The following SOX6 variants were observed in gnomAD, a reference collection of about 807,000 sequenced individuals.
SOX6 encodes transcription factor SOX-6.
Under a neutral mutation model 97.8 loss-of-function variants are expected in SOX6, and 11 were observed. The ratio of observed to expected loss-of-function variants is 0.11; its 90% confidence interval spans 0.07 to 0.19. The LOEUF (loss-of-function observed/expected upper bound fraction) is 0.19. SOX6 is among the 10% of genes least tolerant of loss of function. The pLI, the probability that SOX6 is intolerant of heterozygous loss-of-function variation, is 1.00. For synonymous variants in SOX6, 360 were observed against 371.4 expected (o/e 0.97, Z 0.35); for missense variants, 810 against 1,039.5 (o/e 0.78, Z 3.04).
intron 4 of SOX6, among the ~76,000 whole-genome samples, chr11:16,193,363 T>A (rs1851682122): frequency 6.6e-6 from 1 of 151,530 alleles, no homozygotes; most frequent in Non-Finnish European, 1.5e-5. Flanking sequence ...CAGGGTGAGA[T>A]CCTGTCTTTA....
intron 7 of SOX6, among the ~76,000 whole-genome samples, chr11:16,110,091 C>A (rs1006589969): frequency 3.9e-5 from 6 of 152,152 alleles, no homozygotes; most frequent in Non-Finnish European, 7.4e-5. Flanking sequence ...AAAACAATAT[C>A]TTCCCCCATG....
chr11:16,189,876 A>G (rs560442975), intron 4 of SOX6, among the ~76,000 whole-genome samples: 6 of 152,158 alleles, frequency 3.9e-5, no homozygotes, highest in Non-Finnish European at 8.8e-5. Flanking sequence ...GAGCTTACAC[A>G]GGAAATTTTG....
chr11:16,379,320 A>G (rs297336), intron 1 of SOX6, among the ~76,000 whole-genome samples: 151,222 of 152,060 alleles, frequency 0.99, 75,201 homozygotes, highest in Middle Eastern at 1. Context: ...GACAAAATCC[A>G]CCGGGCATGG....
intron 1 of SOX6, among the ~76,000 whole-genome samples, chr11:16,403,242 C>A (rs1858605936): frequency 6.6e-6 from 1 of 151,512 alleles, no homozygotes; most frequent in Non-Finnish European, 1.5e-5. Flanking sequence ...ATAATGAGAC[C>A]ATTATTAGAG....
At chr11:16,447,421 T>A (rs1270560318) in intron 1 of SOX6, among the ~76,000 whole-genome samples, 1 of 148,214 alleles carries the variant, frequency 6.7e-6, no homozygotes, top group African/African-American at 2.5e-5. Context: ...AGTGAGAAAA[T>A]TATTTCTCTC....
At chr11:16,601,013 C>T (rs1225339864) in intron 4 of SOX6, among the ~76,000 whole-genome samples, 19 of 151,206 alleles carry the variant, frequency 1.3e-4, no homozygotes, top group Admixed American at 1.2e-3. Context: ...AGGATGAATA[C>T]ATAAACTGTT....
chr11:16,642,141 T>G (rs1045357310), intron 3 of SOX6, among the ~76,000 whole-genome samples: 2 of 152,126 alleles, frequency 1.3e-5, no homozygotes, highest in African/African-American at 4.8e-5. Flanking sequence ...GTCTGTAAAG[T>G]ATTTTATTTC....
chr11:16,322,992 G>T (rs1855971523), intron 2 of SOX6, among the ~76,000 whole-genome samples: 1 of 152,096 alleles, frequency 6.6e-6, no homozygotes, highest in Admixed American at 6.6e-5. Flanking sequence ...AGAAGAACAT[G>T]TGGGCACTGA....
intron 1 of SOX6, among the ~76,000 whole-genome samples, chr11:16,396,093 C>T (rs981090977): frequency 1.6e-4 from 25 of 151,716 alleles, no homozygotes; most frequent in African/African-American, 6.0e-4. Context: ...CCTTTATTCG[C>T]TAGACTTTTA....
At chr11:16,432,792 A>G (rs1430803300) in intron 1 of SOX6, among the ~76,000 whole-genome samples, 10 of 152,108 alleles carry the variant, frequency 6.6e-5, no homozygotes, top group Non-Finnish European at 1.5e-4. Context: ...CTCACATCAT[A>G]GAAGGAGAAA....
chr11:16,726,179 C>G (rs184749826), intron 2 of SOX6, among the ~76,000 whole-genome samples: 5 of 146,176 alleles, frequency 3.4e-5, no homozygotes, highest in Non-Finnish European at 7.7e-5. Flanking sequence ...GAGGCCAAGG[C>G]GGGAGGATTA....
chr11:16,611,180 T>C (rs1848393119), intron 4 of SOX6, among the ~76,000 whole-genome samples: 1 of 152,138 alleles, frequency 6.6e-6, no homozygotes, highest in Non-Finnish European at 1.5e-5. Context: ...GCGCGCACGG[T>C]TCCTGGAGAG....
intron 6 of SOX6, among the ~76,000 whole-genome samples, chr11:16,148,783 T>A (rs944613609): frequency 6.6e-6 from 1 of 151,982 alleles, no homozygotes; most frequent in African/African-American, 2.4e-5. Flanking sequence ...AAAGACAAAA[T>A]AGTTTATCTA....
At chr11:16,120,512 C>G (rs1377635640) in intron 6 of SOX6, among the ~76,000 whole-genome samples, 1 of 150,836 alleles carries the variant, frequency 6.6e-6, no homozygotes, top group Non-Finnish European at 1.5e-5. Context: ...AGGATTGGGA[C>G]TTCAAAGTCA....
chr11:16,290,250 A>C (rs1854875767), intron 3 of SOX6, among the ~76,000 whole-genome samples: 1 of 152,076 alleles, frequency 6.6e-6, no homozygotes, highest in South Asian at 2.1e-4. Flanking sequence ...TCAAAATCAA[A>C]GAGTAAATAA....
At chr11:16,583,955 G>T (rs564191850) in intron 4 of SOX6, among the ~76,000 whole-genome samples, 1 of 151,684 alleles carries the variant, frequency 6.6e-6, no homozygotes, top group African/African-American at 2.4e-5. Flanking sequence ...ATACTAACTG[G>T]GGCGAGATAA....
At chr11:16,255,929 T>C (rs181317513) in intron 3 of SOX6, among the ~76,000 whole-genome samples, 290 of 151,902 alleles carry the variant, frequency 1.9e-3, no homozygotes, top group Non-Finnish European at 3.1e-3. Flanking sequence ...TTAGAAATCT[T>C]TTTAACAACT....
intron 1 of SOX6, among the ~76,000 whole-genome samples, chr11:16,463,471 A>C (rs1859970610): frequency 6.6e-6 from 1 of 152,232 alleles, no homozygotes; most frequent in Non-Finnish European, 1.5e-5. Flanking sequence ...AAGAAATCAG[A>C]ATTTAGAGAA....
chr11:16,700,367 A>T (rs1848084049), intron 3 of SOX6, among the ~76,000 whole-genome samples: 1 of 152,236 alleles, frequency 6.6e-6, no homozygotes, highest in African/African-American at 2.4e-5. Context: ...TGAAGAGTTC[A>T]TCAGGAGTCA....
Sources: gnomAD v4.1 joint callset for allele counts (sites outside exome capture counted in the v4.1 genomes callset) on GRCh38, gnomAD v4.1.1 for gene constraint, MANE v1.5 for transcripts, NCBI Gene and HGNC (gene_info 2026-07-23, HGNC 2026-07-21) for gene names.